The following SHFL variants were observed in gnomAD, a reference collection of about 807,000 sequenced individuals.
The protein encoded by SHFL is shiftless antiviral inhibitor of ribosomal frameshifting.
In SHFL, 12 loss-of-function variants were observed where a neutral mutation model predicts 34.7. That is an observed-to-expected ratio of 0.35 (90% CI 0.22 to 0.56). SHFL has a LOEUF of 0.56. Among genes scored for constraint, SHFL ranks in the 20% least tolerant of loss-of-function variants. The pLI is 0.88. For synonymous variants in SHFL, 148 were observed against 156.0 expected (o/e 0.95, Z 0.38); for missense variants, 278 against 411.1 (o/e 0.68, Z 2.80).
In SHFL at chr19:10,086,997, T is replaced by C. The variant is rs2088298780; in HGVS notation, c.90T>C (p.Ala30=). Residue 30 remains alanine, a synonymous_variant, in exon 2 of 8, where the codon GCT becomes GCC. Transcript: ENST00000253110. This position sits in a 1 kb window ranked among gnomAD's most constrained non-coding sequence, Gnocchi z 5.2. ...HGKVSSKKAG[A]LMRKFGSDHT... ...AGGTATCCTCCAAGAAGGCGGGGGC[T>C]CTGATGAGGAAATTCGGCAGCGACC... The C allele has an allele frequency of 1.9e-6, 3 of 1,613,302 alleles. No homozygotes were observed. The highest frequency in any genetic ancestry group is 1.7e-6 in the Non-Finnish European group (2 of 1,179,628).
At position 10,093,172 on chromosome 19, in the gene SHFL, T is replaced by G. The variant is rs1387062669; in HGVS notation, c.*870T>G. The G allele has an allele frequency of 3.6e-6, 3 of 838,272 alleles. No individual in the cohort carries two copies. Among genetic ancestry groups the G allele is most frequent in the Non-Finnish European group, 1.8e-6 (1 of 542,502 alleles). The allele number at this position is 838,272 out of a possible 1,614,324, so 51.9% of individuals were successfully genotyped here. ...GCCTCATCAGAGAAGGAATCTGGAC[T>G]CCCCATCCCCCCACCAGGATAAAAG... On this transcript the variant is annotated 3_prime_UTR_variant, in exon 8 of 8. Transcript: ENST00000253110.
Position 10,092,381 on chromosome 19 carries a change from A to T in SHFL, c.*79A>T. 1 of 1,530,900 alleles carries T rather than the reference A, an allele frequency of 6.5e-7. No homozygotes were observed. The highest frequency in any genetic ancestry group is 8.7e-7 in the Non-Finnish European group (1 of 1,142,934). 94.8% of individuals were successfully genotyped at this position (1,530,900 alleles called of 1,614,324 possible). A position where few individuals can be genotyped will look rare whatever the true frequency, so the allele number is the denominator to read the frequency against. ...TTATAAGATATGAGCTCAAACCGAG[A>T]TATGAATGACCTTGGGGAGCCATCT... On this transcript the variant is annotated 3_prime_UTR_variant, in exon 8 of 8. Coordinates refer to ENST00000253110, the MANE Select transcript of SHFL (RefSeq NM_018381.4).
intron 2 of SHFL, 94 bp downstream of exon 2, chr19:10,087,146 C>G: frequency 6.3e-7 from 1 of 1,587,364 alleles, no homozygotes; most frequent in Non-Finnish European, 8.6e-7. Context: ...ATCACCTCCC[C>G]CGGAGGTCCC....
At position 10,091,446 on chromosome 19, in the gene SHFL, T is replaced by C. The variant is rs1599277602; in HGVS notation, c.489-30T>C. Reference sequence around the variant, plus strand: ...GCCCCACCCTGGCCCAGCCTCGCCCTCGGACCCTCACAGCCCTGCCCGCCC... The same window carrying C: ...GCCCCACCCTGGCCCAGCCTCGCCCCCGGACCCTCACAGCCCTGCCCGCCC... On this transcript the variant is annotated intron_variant, in intron 6 of 7. Coordinates refer to ENST00000253110, the MANE Select transcript of SHFL (RefSeq NM_018381.4). The surrounding 1 kb of genome is among the most constrained non-coding windows in gnomAD (Gnocchi z 8.2). 8.6e-7 allele frequency: 1 copy of C among 1,166,328 alleles called. No individual in the cohort carries two copies. Among genetic ancestry groups the C allele is most frequent in the Non-Finnish European group, 1.1e-6 (1 of 903,448 alleles). The allele number at this position is 1,166,328 out of a possible 1,614,324, so 72.2% of individuals were successfully genotyped here.
chr19:10,086,926 CAGCTGGAGAAG>C lies in SHFL; in HGVS notation c.23_33del (p.Leu8ArgfsTer49). ...CACCGGAACCCCCCTGTCTCCATCC[CAGCTGGAGAAG>C]AGCGTCCGGCGCCTCCGGGAGAAGT... On this transcript the variant is annotated splice_acceptor_variant and coding_sequence_variant, in exon 2 of 8. Coordinates refer to ENST00000253110, the MANE Select transcript of SHFL (RefSeq NM_018381.4). LOFTEE classifies it high-confidence loss of function. The surrounding 1 kb of genome is among the most constrained non-coding windows in gnomAD (Gnocchi z 5.2). The C allele has an allele frequency of 6.2e-7, 1 of 1,613,678 alleles. No individual in the cohort carries two copies. The highest frequency in any genetic ancestry group is 1.1e-5 in the South Asian group (1 of 91,046).
At chr19:10,089,334 G>T in intron 3 of SHFL, 1 of 1,598,448 alleles carries the variant, frequency 6.3e-7, no homozygotes, top group Non-Finnish European at 8.5e-7. Flanking sequence ...TCAAAGGGGC[G>T]ATATGTCACA....
chr19:10,092,569 G>C lies in SHFL; in HGVS notation c.*267G>C. ...GCTGACCAATGTCCTCTAGGGCCTA[G>C]GGGACAGAGGAACACAGAGTCACAG... On this transcript the variant is annotated 3_prime_UTR_variant, in exon 8 of 8. Transcript: ENST00000253110. 12 of 1,588,038 alleles carry C rather than the reference G, an allele frequency of 7.6e-6. No individual in the cohort carries two copies. Among genetic ancestry groups the C allele is most frequent in the Non-Finnish European group, 9.5e-6 (11 of 1,163,194 alleles).
chr19:10,091,895 AC>A lies in SHFL; in HGVS notation c.644-170del. ...GTTTTGTCCCCTGTAATCTCAGGTG[AC>A]CCCCATGTCCCCAGGTCTCCTGTAT... On this transcript the variant is annotated intron_variant, in intron 7 of 7. Transcript: ENST00000253110. This position sits in a 1 kb window ranked among gnomAD's most constrained non-coding sequence, Gnocchi z 8.2. The A allele has an allele frequency of 1.1e-6, 1 of 870,910 alleles. No homozygotes were observed. The highest frequency in any genetic ancestry group is 1.7e-6 in the Non-Finnish European group (1 of 579,944). The allele number at this position is 870,910 out of a possible 1,614,324, so 53.9% of individuals were successfully genotyped here.
rs76479797 is a variant in SHFL at position 10,089,244 on chromosome 19, C to T, written c.196-413C>T. ...ACCCAGGGGGCAGGGAGTGGCTTGCCCAAGTCCCCACAGCTGGAAGTGATA... is the reference window on the plus strand; with the variant it reads ...ACCCAGGGGGCAGGGAGTGGCTTGCTCAAGTCCCCACAGCTGGAAGTGATA... On this transcript the variant is annotated intron_variant, in intron 3 of 7. Transcript: ENST00000253110. The T allele has an allele frequency of 5.4e-4, 822 of 1,525,242 alleles. 5 individuals are homozygous for T. In the African/African-American group the frequency reaches 0.01, roughly 19 times the overall value. The allele number at this position is 1,525,242 out of a possible 1,614,324, so 94.5% of individuals were successfully genotyped here. A position where few individuals can be genotyped will look rare whatever the true frequency, so the allele number is the denominator to read the frequency against.
intron 3 of SHFL, chr19:10,089,171 T>C (rs1446224840): frequency 3.8e-6 from 3 of 793,736 alleles, no homozygotes; most frequent in Middle Eastern, 3.2e-4. Context: ...ATTTGAACCC[T>C]GGCCACCTGG....
chr19:10,086,813 G>T lies in SHFL; in HGVS notation c.22-116G>T. ...TAAAGGGATGAAAGGCGGGGGGGGG[G>T]CGGCGGAGGCCAAAACCAAGGGTCA... On this transcript the variant is annotated intron_variant, in intron 1 of 7. Transcript: ENST00000253110. The surrounding 1 kb of genome is among the most constrained non-coding windows in gnomAD (Gnocchi z 5.2). 4 of 1,146,408 alleles carry T rather than the reference G, an allele frequency of 3.5e-6. No individual in the cohort carries two copies. The highest frequency in any genetic ancestry group is 4.8e-6 in the Non-Finnish European group (4 of 828,684). 71.0% of individuals were successfully genotyped at this position (1,146,408 alleles called of 1,614,324 possible).
At position 10,091,591 on chromosome 19, in the gene SHFL, A is replaced by G. The variant is rs1423217664; in HGVS notation, c.604A>G (p.Thr202Ala). The stretch of plus-strand genomic sequence containing the variant: ...GGACCCGGATCGCCGCAGCACCCAC[A>G]CTCACTCCTGCTCAGCTGCCGACTG... The part of the protein sequence containing the change: ...DRDPDRRSTH[T>A]HSCSAADCYN... Residue 202 changes from threonine (T) to alanine (A), a missense_variant, in exon 7 of 8, where the codon ACT (threonine) becomes GCT (alanine). By Grantham distance (58) the Thr-to-Ala change is moderately conservative. Coordinates refer to ENST00000253110, the MANE Select transcript of SHFL (RefSeq NM_018381.4). The surrounding 1 kb of genome is among the most constrained non-coding windows in gnomAD (Gnocchi z 8.2). 6.4e-7 allele frequency: 1 copy of G among 1,551,222 alleles called. No individual in the cohort carries two copies. The highest frequency in any genetic ancestry group is 8.7e-7 in the Non-Finnish European group (1 of 1,147,154).
Position 10,087,000 on chromosome 19 carries a change from G to A in SHFL, c.93G>A (p.Leu31=), listed in dbSNP as rs1319752182. 2 of 1,613,558 alleles carry A rather than the reference G, an allele frequency of 1.2e-6. No homozygotes were observed. The highest frequency in any genetic ancestry group is 2.2e-5 in the East Asian group (1 of 44,862). The change falls in exon 2 of 8, where the codon CTG becomes CTA. Residue 31 remains leucine, a synonymous_variant. Transcript: ENST00000253110. This position sits in a 1 kb window ranked among gnomAD's most constrained non-coding sequence, Gnocchi z 5.2. ...TATCCTCCAAGAAGGCGGGGGCTCT[G>A]ATGAGGAAATTCGGCAGCGACCACA... ...GKVSSKKAGA[L]MRKFGSDHTG...
chr19:10,089,907 ACCTC>A lies in SHFL; in HGVS notation c.250_253del (p.Leu84CysfsTer3). On this transcript the variant is annotated frameshift_variant, in exon 5 of 8. Transcript: ENST00000253110. LOFTEE classifies it high-confidence loss of function. ...CTGCCCCATTCCACAGGCAGTGGCG[ACCTC>A]CCTCCTGCCACTGACAGAAGCCAAC... 6.2e-7 allele frequency: 1 copy of A among 1,604,970 alleles called. No homozygotes were observed.
Position 10,092,511 on chromosome 19 carries a change from AAAG to A in SHFL, c.*213_*215del. 1 of 1,532,860 alleles carries A rather than the reference AAAG, an allele frequency of 6.5e-7. No homozygotes were observed. The allele number at this position is 1,532,860 out of a possible 1,614,324, so 95.0% of individuals were successfully genotyped here. A position where few individuals can be genotyped will look rare whatever the true frequency, so the allele number is the denominator to read the frequency against. ...GTGGGACACATTGGCACTGAGCCAC[AAAG>A]AAGGTGTGGCCAGAACAACTTGGGC... On this transcript the variant is annotated 3_prime_UTR_variant, in exon 8 of 8. Transcript: ENST00000253110.
At position 10,091,580 on chromosome 19, in the gene SHFL, G is replaced by A. The variant is rs766607981; in HGVS notation, c.593G>A (p.Arg198His). ...CGCTGGGACCGGGACCCGGATCGCC[G>A]CAGCACCCACACTCACTCCTGCTCA... ...PPRWDRDPDR[R>H]STHTHSCSAA... is the part of the protein sequence containing the mutation. Residue 198 changes from arginine (R) to histidine (H), a missense_variant, in exon 7 of 8, where the codon CGC becomes CAC. This residue lies in a region of SHFL where 243 missense variants were observed against 386.2 expected (regional missense o/e 0.63). Transcript: ENST00000253110. This position sits in a 1 kb window ranked among gnomAD's most constrained non-coding sequence, Gnocchi z 8.2. 34 of 1,551,456 alleles carry A rather than the reference G, an allele frequency of 2.2e-5. No homozygotes were observed. The highest frequency in any genetic ancestry group is 3.6e-5 in the South Asian group (3 of 84,066).
chr19:10,089,653 C>A lies in SHFL; in HGVS notation c.196-4C>A. The A allele has an allele frequency of 6.3e-7, 1 of 1,592,226 alleles. No homozygotes were observed. The highest frequency in any genetic ancestry group is 2.3e-5 in the East Asian group (1 of 44,044). ...CAGTTTCTGCCCCTGCTATCTCCACCCAGGATCCACCAGAAGATATGAAGC... is the reference window on the plus strand; with the variant it reads ...CAGTTTCTGCCCCTGCTATCTCCACACAGGATCCACCAGAAGATATGAAGC... On this transcript the variant is annotated splice_region_variant and splice_polypyrimidine_tract_variant and intron_variant, in intron 3 of 7. Coordinates refer to ENST00000253110, the MANE Select transcript of SHFL (RefSeq NM_018381.4).
At chr19:10,088,234 T>G in intron 3 of SHFL, 1 of 112,312 alleles carries the variant, frequency 8.9e-6, no homozygotes, top group Non-Finnish European at 1.7e-5. Context: ...CACTCCAGCC[T>G]GGGCAACAAG....
intron 4 of SHFL, 72 bp from the exon 5 acceptor site, chr19:10,089,826 A>C: frequency 6.4e-7 from 1 of 1,573,682 alleles, no homozygotes; most frequent in Non-Finnish European, 8.6e-7. Flanking sequence ...TAGGGAGAGG[A>C]GGGCTGATGC....
Sources: gnomAD v4.1 joint callset for allele counts on GRCh38, gnomAD v4.1.1 for gene constraint, gnomAD v4.1.1 regional missense constraint, Gnocchi (gnomAD v3.1) non-coding constraint, MANE v1.5 for transcripts, NCBI Gene and HGNC (gene_info 2026-07-23, HGNC 2026-07-21) for gene names.